HS1BP3: variants seen among roughly 807,000 people sequenced by gnomAD.
HS1BP3 encodes HCLS1-binding protein 3.
HS1BP3 carries 32 observed loss-of-function variants against 33.5 expected under a neutral mutation model. The ratio of observed to expected loss-of-function variants is 0.95; its 90% CI spans 0.72 to 1.28. The LOEUF (loss-of-function observed/expected upper bound fraction) is 1.28. HS1BP3 is among the 50% of genes most tolerant of loss of function. HS1BP3 has a pLI of 0.00. For synonymous variants in HS1BP3, 187 were observed against 209.2 expected, an observed-to-expected ratio of 0.89 and a Z score of 0.92; for missense variants, 486 against 502.3, an observed-to-expected ratio of 0.97 and a Z score of 0.31.
intron 5 of HS1BP3, among the ~76,000 whole-genome samples, chr2:20,570,725 G>C (rs1410802401): frequency 6.6e-6 from 1 of 152,208 alleles, no homozygotes; most frequent in Non-Finnish European, 1.5e-5. Context: ...TAGGGGAGGA[G>C]GAGAAGAAAT....
intron 5 of HS1BP3, among the ~76,000 whole-genome samples, chr2:20,571,405 TGTGA>T (rs1693270087): frequency 6.6e-6 from 1 of 152,170 alleles, no homozygotes; most frequent in African/African-American, 2.4e-5. Context: ...GCCAGAGGCC[TGTGA>T]GGCAGCCCGG....
intron 5 of HS1BP3, among the ~76,000 whole-genome samples, chr2:20,583,882 TG>T (rs1693619630): frequency 6.6e-6 from 1 of 152,196 alleles, no homozygotes; most frequent in East Asian, 1.9e-4. Context: ...TCCTGGGACC[TG>T]GCCAGCATAG....
Position 20,623,835 on chromosome 2 carries a change from C to A in HS1BP3, c.920+61G>T, listed in dbSNP as rs1467819437. 2.6e-6 allele frequency: 4 copies of A among 1,533,042 alleles called. No homozygotes were observed. The East Asian group carries it at 7.1e-5, about 27-fold the overall frequency. The allele number at this position is 1,533,042 out of a possible 1,614,324, so 95.0% of individuals were successfully genotyped here. A position where few individuals can be genotyped will look rare whatever the true frequency, so the allele number is the denominator to read the frequency against. On this transcript the variant is annotated intron_variant, in intron 6 of 6. Transcript: ENST00000304031. ...GGCTGAGACTGGGCAATGAGCCGGGCCCTTGGCTCTGTCCAGAACACTCTC... is the reference window on the plus strand; with the variant it reads ...GGCTGAGACTGGGCAATGAGCCGGGACCTTGGCTCTGTCCAGAACACTCTC...
chr2:20,611,096 G>A lies in HS1BP3; in HGVS notation c.178+12800C>T. Among the ~76,000 whole-genome samples the A allele has an allele frequency of 6.6e-6, 1 of 152,236 alleles. No homozygotes were observed. Among genetic ancestry groups the A allele is most frequent in the East Asian group, 1.9e-4 (1 of 5,202 alleles). The stretch of plus-strand genomic sequence containing the variant: ...CTGGCTTCTTTCACTTAGCATGTTT[G>A]TGATATCCATTGTGGTATGTCTGTT... On this transcript the variant is annotated intron_variant, in intron 2 of 3. Coordinates refer to the HS1BP3 transcript ENST00000415264. This position sits in a 1 kb window ranked among gnomAD's most constrained non-coding sequence, Gnocchi z 4.9.
intron 2 of HS1BP3, among the ~76,000 whole-genome samples, chr2:20,644,901 A>T (rs2149303811): frequency 6.6e-6 from 1 of 152,176 alleles, no homozygotes; most frequent in South Asian, 2.1e-4. Flanking sequence ...GACCACACTC[A>T]ACTGTGCAGA....
At chr2:20,556,456 C>T (rs1234325479), downstream of HS1BP3, among the ~76,000 whole-genome samples, 1 of 119,940 alleles carries the variant, frequency 8.3e-6, no homozygotes, top group Admixed American at 1.0e-4. Flanking sequence ...GACCCTTCAA[C>T]TTTATCAAAT....
At chr2:20,555,114 A>G in the HS1BP3 span, among the ~76,000 whole-genome samples, 3 of 152,206 alleles carry the variant, frequency 2.0e-5, no homozygotes, top group Non-Finnish European at 4.4e-5. Context: ...CCATGTTTAC[A>G]CCATTGTCTC....
At position 20,618,748 on chromosome 2, in the gene HS1BP3, TA is replaced by T. The variant is rs1289442845; in HGVS notation, c.*238del. On this transcript the variant is annotated 3_prime_UTR_variant, in exon 7 of 7. Coordinates refer to ENST00000304031, the MANE Select transcript of HS1BP3 (RefSeq NM_022460.4). ...CCCTCCCCTTCATGTCCACGGGGAA[TA>T]AGACACATTGGGCTCTGGCTCCTAG... The T allele has an allele frequency of 5.3e-6, 7 of 1,332,678 alleles. No homozygotes were observed. The highest frequency in any genetic ancestry group is 6.7e-6 in the Non-Finnish European group (7 of 1,044,048). The allele number at this position is 1,332,678 out of a possible 1,614,324, so 82.6% of individuals were successfully genotyped here. A position where few individuals can be genotyped will look rare whatever the true frequency, so the allele number is the denominator to read the frequency against.
chr2:20,579,497 T>A (rs148507707), intron 5 of HS1BP3, among the ~76,000 whole-genome samples: 1 of 152,242 alleles, frequency 6.6e-6, no homozygotes, highest in African/African-American at 2.4e-5. Flanking sequence ...TGGCCATGCA[T>A]TGGAGACTTC....
downstream of HS1BP3, among the ~76,000 whole-genome samples, chr2:20,555,516 G>A (rs1692815302): frequency 6.6e-6 from 1 of 152,208 alleles, no homozygotes; most frequent in African/African-American, 2.4e-5. Context: ...CACATGGGGA[G>A]GTGGTAGCAT....
intron 5 of HS1BP3, among the ~76,000 whole-genome samples, chr2:20,576,587 C>G (rs977050927): frequency 6.6e-6 from 1 of 152,230 alleles, no homozygotes; most frequent in African/African-American, 2.4e-5. Context: ...AAAGTGGGAA[C>G]AGGATCGCCT....
intron 5 of HS1BP3, among the ~76,000 whole-genome samples, chr2:20,573,697 A>C (rs1354799414): frequency 1.3e-5 from 2 of 152,236 alleles, no homozygotes; most frequent in African/African-American, 4.8e-5. Context: ...TACTAGTTTA[A>C]GTTGTTTTCC....
intron 5 of HS1BP3, among the ~76,000 whole-genome samples, chr2:20,576,509 G>C (rs1693403758): frequency 1.3e-5 from 2 of 152,144 alleles, no homozygotes; most frequent in Admixed American, 6.5e-5. Context: ...TGAGGCTCTA[G>C]TCTAGAGCCT....
chr2:20,577,602 T>A (rs2149274488), intron 5 of HS1BP3, among the ~76,000 whole-genome samples: 1 of 152,170 alleles, frequency 6.6e-6, no homozygotes, highest in South Asian at 2.1e-4. Flanking sequence ...GAGGGGCACC[T>A]CCCAGCACCG....
intron 2 of HS1BP3, among the ~76,000 whole-genome samples, chr2:20,610,244 A>G (rs1694292107): frequency 6.6e-6 from 1 of 152,176 alleles, no homozygotes; most frequent in African/African-American, 2.4e-5. Flanking sequence ...CATAGCATAC[A>G]TTAGGGTTCA....
At chr2:20,592,463 C>A (rs531830184), downstream of HS1BP3, 1 of 167,386 alleles carries the variant, frequency 6.0e-6, no homozygotes, top group African/African-American at 2.4e-5. Flanking sequence ...TGTCCCTGCC[C>A]GGCTCAGACT....
chr2:20,580,115 A>G (rs1306872874), intron 5 of HS1BP3, among the ~76,000 whole-genome samples: 1 of 152,258 alleles, frequency 6.6e-6, no homozygotes, highest in Non-Finnish European at 1.5e-5. Context: ...CAAGGACTGG[A>G]GCAGAGGGCA....
downstream of HS1BP3, chr2:20,592,328 CCCCCGCCCCG>C: frequency 6.4e-6 from 1 of 155,098 alleles, no homozygotes. Context: ...CCATCCACCT[CCCCCGCCCCG>C]CCCCGCCCAT....
chr2:20,557,539 G>A (rs1692869472), downstream of HS1BP3, among the ~76,000 whole-genome samples: 1 of 152,172 alleles, frequency 6.6e-6, no homozygotes, highest in African/African-American at 2.4e-5. Context: ...CATGTTGATA[G>A]GGATTTCCAC....
Sources: gnomAD v4.1 joint callset for allele counts (sites outside exome capture counted in the v4.1 genomes callset) on GRCh38, gnomAD v4.1.1 for gene constraint, Gnocchi (gnomAD v3.1) non-coding constraint, MANE v1.5 for transcripts, NCBI Gene and HGNC (gene_info 2026-07-23, HGNC 2026-07-21) for gene names.